FMN2: variants seen among roughly 807,000 people sequenced by gnomAD.
FMN2 encodes formin-2.
In FMN2, 51 loss-of-function variants were observed where a neutral mutation model predicts 142.3. That is an observed-to-expected ratio of 0.36 (90% CI 0.29 to 0.45). The LOEUF is 0.45. FMN2 is among the 20% of genes least tolerant of loss of function. The pLI is 1.00. For synonymous variants in FMN2, 882 were observed against 869.8 expected (o/e 1.01, Z -0.25); for missense variants, 1,936 against 2,122.8 (o/e 0.91, Z 1.73).
chr1:240,397,805 A>AAAG lies in FMN2; in HGVS notation c.4910+5245_4910+5246insGAA, dbSNP rs1553373939. On this transcript the variant is annotated intron_variant, in intron 15 of 17. Transcript: ENST00000319653. ...CTTCTCAAAAAAAAAAAAAAAAAAAAAAAAAGTTAACCACACCTAAAAACT... is the reference window on the plus strand; with the variant it reads ...CTTCTCAAAAAAAAAAAAAAAAAAAAAAGAAAAAGTTAACCACACCTAAAAACT... Among the ~76,000 whole-genome samples the AAAG allele has an allele frequency of 1.7e-3, 261 of 150,334 alleles. 2 individuals carry two copies. Among genetic ancestry groups the AAAG allele is most frequent in the African/African-American group, 6.3e-3 (253 of 40,456 alleles).
At chr1:240,286,457 T>G (rs532746949) in intron 7 of FMN2, among the ~76,000 whole-genome samples, 1 of 152,164 alleles carries the variant, frequency 6.6e-6, no homozygotes, top group Non-Finnish European at 1.5e-5. Context: ...TTACCCTCAG[T>G]TGGACAAGTG....
intron 2 of FMN2, chr1:240,170,333 C>T: frequency 1.8e-6 from 2 of 1,102,348 alleles, no homozygotes; most frequent in Non-Finnish European, 2.8e-6. Context: ...CTGAGCAGAG[C>T]TGATCCTGAG....
intron 2 of FMN2, chr1:240,170,417 T>C: frequency 8.0e-7 from 1 of 1,254,512 alleles, no homozygotes. Context: ...GTTGCTAAGC[T>C]GAAGGCGGGT....
intron 6 of FMN2, among the ~76,000 whole-genome samples, chr1:240,235,611 G>A (rs540950170): frequency 1.3e-5 from 2 of 151,558 alleles, no homozygotes; most frequent in Non-Finnish European, 2.9e-5. Context: ...TTTAGAAATG[G>A]GTTCTCACTA....
chr1:240,472,674 T>G (rs1572349466), intron 17 of FMN2, among the ~76,000 whole-genome samples: 1 of 151,414 alleles, frequency 6.6e-6, no homozygotes. Flanking sequence ...GGGCTGGGGG[T>G]GGTGGCTCAT....
intron 6 of FMN2, among the ~76,000 whole-genome samples, chr1:240,248,462 A>G (rs1668161149): frequency 6.9e-6 from 1 of 145,966 alleles, no homozygotes; most frequent in African/African-American, 2.5e-5. Context: ...TATATATAAC[A>G]TACATGTTAT....
intron 14 of FMN2, among the ~76,000 whole-genome samples, chr1:240,370,779 C>T (rs191682697): frequency 2.0e-5 from 3 of 152,218 alleles, no homozygotes; most frequent in Non-Finnish European, 2.9e-5. Context: ...CATTCTGTTA[C>T]CGTATAATCA....
At chr1:240,268,925 A>T (rs1034615575) in intron 7 of FMN2, among the ~76,000 whole-genome samples, 2 of 151,902 alleles carry the variant, frequency 1.3e-5, no homozygotes, top group African/African-American at 2.4e-5. Context: ...AGTTTGTTAT[A>T]TATTTAGACA....
rs772686497 is a variant in FMN2 at position 240,208,467 on chromosome 1, C to G, written c.3655C>G (p.Pro1219Ala). Residue 1219 changes from proline to alanine, a missense_variant, in exon 5 of 18, where the codon CCT becomes GCT. By Grantham distance (27) the Pro-to-Ala change is conservative. Transcript: ENST00000319653. ...TCCCTTGCCAGGTATGGGGATTCCACCTGCTCCAGCTCCCCCACTCCCTCC... is the reference window on the plus strand; with the variant it reads ...TCCCTTGCCAGGTATGGGGATTCCAGCTGCTCCAGCTCCCCCACTCCCTCC... ...PPPLPGMGIP[P>A]APAPPLPPPG... 1 of 1,610,022 alleles carries G rather than the reference C, an allele frequency of 6.2e-7. No individual in the cohort carries two copies. The highest frequency in any genetic ancestry group is 1.3e-5 in the African/African-American group (1 of 74,116).
chr1:240,103,117 C>T (rs1373430645), intron 1 of FMN2, among the ~76,000 whole-genome samples: 2 of 152,156 alleles, frequency 1.3e-5, no homozygotes, highest in African/African-American at 2.4e-5. Context: ...CCGCCTGTCT[C>T]GGCCTCCCAA....
chr1:240,442,177 C>A (rs1481071162), intron 16 of FMN2, among the ~76,000 whole-genome samples: 2 of 152,172 alleles, frequency 1.3e-5, no homozygotes, highest in African/African-American at 4.8e-5. Context: ...TTCTTCCCAA[C>A]CCACCACCCC....
intron 6 of FMN2, among the ~76,000 whole-genome samples, chr1:240,229,577 T>C (rs1435705911): frequency 6.6e-6 from 1 of 152,214 alleles, no homozygotes; most frequent in African/African-American, 2.4e-5. Context: ...GGTGGTTCTG[T>C]GGAATTGTTT....
At chr1:240,271,803 C>T (rs903886267) in intron 7 of FMN2, among the ~76,000 whole-genome samples, 2 of 151,944 alleles carry the variant, frequency 1.3e-5, no homozygotes, top group African/African-American at 4.8e-5. Context: ...AGTTCATTAC[C>T]TAGAGCTTTT....
At chr1:240,205,333 C>T (rs541054079) in intron 4 of FMN2, among the ~76,000 whole-genome samples, 1 of 152,066 alleles carries the variant, frequency 6.6e-6, no homozygotes, top group South Asian at 2.1e-4. Context: ...GCAGTTTCCA[C>T]AAAAGTGGGA....
chr1:240,428,345 C>T (rs901879794), intron 15 of FMN2, among the ~76,000 whole-genome samples: 2 of 151,088 alleles, frequency 1.3e-5, no homozygotes, highest in Non-Finnish European at 3.0e-5. Context: ...AATCCTCCCA[C>T]CCCACCCTCC....
intron 3 of FMN2, among the ~76,000 whole-genome samples, chr1:240,180,632 T>A (rs984736539): frequency 6.9e-6 from 1 of 145,390 alleles, no homozygotes; most frequent in Non-Finnish European, 1.5e-5. Flanking sequence ...AATGGCGCCA[T>A]CTCGGCTCAC....
intron 7 of FMN2, among the ~76,000 whole-genome samples, chr1:240,267,965 C>T (rs531693971): frequency 6.6e-6 from 1 of 152,084 alleles, no homozygotes; most frequent in East Asian, 1.9e-4. Flanking sequence ...TATGAGATAC[C>T]ATTTTACACC....
chr1:240,105,308 C>T (rs1296796573), intron 1 of FMN2, among the ~76,000 whole-genome samples: 1 of 151,796 alleles, frequency 6.6e-6, no homozygotes, highest in East Asian at 1.9e-4. Context: ...TGGGTTTCAC[C>T]ATATTGGCCA....
intron 7 of FMN2, among the ~76,000 whole-genome samples, chr1:240,259,487 CT>C (rs35655150): frequency 0.013 from 1,713 of 134,232 alleles, 15 homozygotes; most frequent in African/African-American, 0.026. Flanking sequence ...ACCCTGTACA[CT>C]TTTTTTTTTT....
Sources: allele counts gnomAD v4.1 joint callset (sites outside exome capture counted in the v4.1 genomes callset), GRCh38; gene constraint gnomAD v4.1.1; transcripts MANE v1.5; gene names NCBI Gene and HGNC (gene_info 2026-07-23, HGNC 2026-07-21).